RBFOX1: variants seen among roughly 807,000 people sequenced by gnomAD.
The protein encoded by RBFOX1 is RNA binding fox-1 homolog 1.
In RBFOX1, 8 loss-of-function variants were observed where a neutral mutation model predicts 57.7. The ratio of observed to expected loss-of-function variants is 0.14; its 90% CI spans 0.08 to 0.25. The LOEUF (loss-of-function observed/expected upper bound fraction) is 0.25. Ranked by LOEUF, RBFOX1 falls within the 10% of genes least tolerant of loss-of-function variation. The pLI is 1.00. For missense variants in RBFOX1, 611 were observed against 548.5 expected (o/e 1.11, Z -1.14); for synonymous variants, 326 against 222.4 (o/e 1.47, Z -4.15).
intron 5 of RBFOX1, among the ~76,000 whole-genome samples, chr16:7,573,732 G>A (rs1317675873): frequency 6.6e-6 from 1 of 152,066 alleles, no homozygotes; most frequent in African/African-American, 2.4e-5. Context: ...CTACTCGGGA[G>A]GTTGAGGCAG....
intron 2 of RBFOX1, among the ~76,000 whole-genome samples, chr16:5,595,060 T>G (rs919017332): frequency 6.6e-6 from 1 of 151,146 alleles, no homozygotes; most frequent in Non-Finnish European, 1.5e-5. Context: ...GCAGGAGAAT[T>G]GTTTGAACCT....
intron 3 of RBFOX1, among the ~76,000 whole-genome samples, chr16:6,655,783 A>C (rs957277324): frequency 1.3e-5 from 2 of 152,162 alleles, no homozygotes; most frequent in Non-Finnish European, 2.9e-5. Context: ...TCTCCTTTCA[A>C]GTGTACCATT....
chr16:5,483,781 C>T (rs1428827046), intron 2 of RBFOX1, among the ~76,000 whole-genome samples: 1 of 152,156 alleles, frequency 6.6e-6, no homozygotes, highest in Non-Finnish European at 1.5e-5. Flanking sequence ...TTTAAAACAA[C>T]AGACATTTAT....
intron 1 of RBFOX1, among the ~76,000 whole-genome samples, chr16:5,420,885 CTCCTCCT>C (rs2067301532): frequency 7.6e-6 from 1 of 131,940 alleles, no homozygotes; most frequent in Non-Finnish European, 1.7e-5. Flanking sequence ...CTCCCTCCCC[CTCCTCCT>C]CTCCCTCCTC....
chr16:5,840,894 C>G (rs1460095225), intron 3 of RBFOX1, among the ~76,000 whole-genome samples: 1 of 152,184 alleles, frequency 6.6e-6, no homozygotes, highest in African/African-American at 2.4e-5. Flanking sequence ...TTCCTGCCAA[C>G]AAGGTCTTCT....
intron 14 of RBFOX1, among the ~76,000 whole-genome samples, chr16:7,681,315 ATCTTTC>A (rs2146722832): frequency 1.3e-5 from 2 of 152,282 alleles, no homozygotes; most frequent in African/African-American, 4.8e-5. Context: ...GGAAGGGACC[ATCTTTC>A]TGCCCTCTAA....
At chr16:7,686,729 C>G (rs1423264818) in intron 14 of RBFOX1, among the ~76,000 whole-genome samples, 1 of 152,074 alleles carries the variant, frequency 6.6e-6, no homozygotes, top group East Asian at 1.9e-4. Context: ...AATGAATTTT[C>G]TATTGGAATA....
intron 4 of RBFOX1, among the ~76,000 whole-genome samples, chr16:7,383,694 A>G (rs2097824850): frequency 6.6e-6 from 1 of 152,194 alleles, no homozygotes; most frequent in Non-Finnish European, 1.5e-5. Context: ...TTAAGTTCCC[A>G]TTCTGTATAT....
intron 1 of RBFOX1, among the ~76,000 whole-genome samples, chr16:6,022,794 G>T (rs1349112414): frequency 6.6e-6 from 1 of 152,186 alleles, no homozygotes; most frequent in Non-Finnish European, 1.5e-5. Flanking sequence ...GCACACATTT[G>T]CCCATAAATG....
intron 1 of RBFOX1, among the ~76,000 whole-genome samples, chr16:6,215,283 AGGAGAG>A (rs531288958): frequency 1.0e-3 from 106 of 103,700 alleles, no homozygotes; most frequent in African/African-American, 3.5e-3. Context: ...GAGAGGGAAA[AGGAGAG>A]GGAGAGGGAG....
intron 3 of RBFOX1, among the ~76,000 whole-genome samples, chr16:6,658,939 T>TTTTTG (rs1390120848): frequency 5.3e-4 from 77 of 145,284 alleles, no homozygotes; most frequent in Middle Eastern, 3.5e-3. Flanking sequence ...TTTTTTTGTT[T>TTTTTG]TTTTTGTTTT....
chr16:5,909,624 G>A (rs2058561774), intron 4 of RBFOX1, among the ~76,000 whole-genome samples: 1 of 152,130 alleles, frequency 6.6e-6, no homozygotes, highest in Non-Finnish European at 1.5e-5. Context: ...GCCTAACTCT[G>A]TAGCCTCCCT....
chr16:5,529,940 C>T (rs190525625), intron 2 of RBFOX1, among the ~76,000 whole-genome samples: 2 of 152,240 alleles, frequency 1.3e-5, no homozygotes, highest in African/African-American at 4.8e-5. Context: ...TATGCTGCCA[C>T]AACTCGAGGA....
At chr16:6,408,358 T>C (rs1304880687) in intron 2 of RBFOX1, among the ~76,000 whole-genome samples, 1 of 152,064 alleles carries the variant, frequency 6.6e-6, no homozygotes, top group Non-Finnish European at 1.5e-5. Flanking sequence ...TAATTACCAG[T>C]GGGATGTATT....
intron 2 of RBFOX1, among the ~76,000 whole-genome samples, chr16:6,392,491 A>G (rs1425270726): frequency 6.6e-6 from 1 of 152,216 alleles, no homozygotes; most frequent in Non-Finnish European, 1.5e-5. Context: ...TTCATTTGTA[A>G]AAGAGATTGT....
At chr16:5,520,146 G>C (rs1052467068) in intron 2 of RBFOX1, among the ~76,000 whole-genome samples, 3 of 152,226 alleles carry the variant, frequency 2.0e-5, no homozygotes, top group African/African-American at 7.2e-5. Context: ...AACCCCAGAG[G>C]GGAAAGAGGA....
intron 4 of RBFOX1, among the ~76,000 whole-genome samples, chr16:7,340,559 A>T (rs979049117): frequency 2.0e-5 from 3 of 152,218 alleles, no homozygotes; most frequent in Non-Finnish European, 4.4e-5. Context: ...GGAAGTCAAG[A>T]CAGTCCAACC....
At chr16:6,202,367 A>G (rs956106049) in intron 1 of RBFOX1, among the ~76,000 whole-genome samples, 24 of 152,080 alleles carry the variant, frequency 1.6e-4, no homozygotes, top group African/African-American at 3.6e-4. Context: ...TGCCATCCCC[A>G]TTGACTGGCG....
chr16:6,484,887 C>A lies in RBFOX1; in HGVS notation c.-64+167830C>A, dbSNP rs182007465. Among the ~76,000 whole-genome samples the A allele has an allele frequency of 2.6e-5, 4 of 152,238 alleles. No individual in the cohort carries two copies. The East Asian group carries it at 7.7e-4, about 29-fold the overall frequency. On this transcript the variant is annotated intron_variant, in intron 2 of 15. Transcript: ENST00000550418. ...AATTTTGGTTACACAGAAATGAATG[C>A]GGTTTATTGCTGAAGCAGGCAAAAA...
Sources: allele counts gnomAD v4.1 joint callset (sites outside exome capture counted in the v4.1 genomes callset), GRCh38; gene constraint gnomAD v4.1.1; transcripts MANE v1.5; gene names NCBI Gene and HGNC (gene_info 2026-07-23, HGNC 2026-07-21).